Variants in ADRA1A observed in about 807,000 individuals in gnomAD.
The protein encoded by ADRA1A is alpha-1A adrenergic receptor.
ADRA1A carries 31 observed loss-of-function variants against 29.6 expected under a neutral mutation model. The ratio of observed to expected loss-of-function variants is 1.05; its 90% CI spans 0.79 to 1.41. The LOEUF is 1.41. Ranked by LOEUF, ADRA1A falls within the 40% of genes most tolerant of loss-of-function variation. The pLI, the probability that ADRA1A is intolerant of heterozygous loss-of-function variation, is 0.00. For synonymous variants in ADRA1A, 311 were observed against 254.3 expected (o/e 1.22, Z -2.12); for missense variants, 619 against 601.1 (o/e 1.03, Z -0.31).
intron 2 of ADRA1A, among the ~76,000 whole-genome samples, chr8:26,834,768 C>T (rs1811228289): frequency 6.6e-6 from 1 of 152,154 alleles, no homozygotes; most frequent in Admixed American, 6.5e-5. Context: ...TACAGGACAC[C>T]AACATCTGGC....
intron 2 of ADRA1A, among the ~76,000 whole-genome samples, chr8:26,819,481 C>T (rs1040602041): frequency 6.6e-6 from 1 of 151,994 alleles, no homozygotes. Flanking sequence ...ATAAATCAAA[C>T]GTGTGTTGGG....
chr8:26,842,420 A>C (rs3102087), intron 2 of ADRA1A, among the ~76,000 whole-genome samples: 74,227 of 151,774 alleles, frequency 0.49, 18,426 homozygotes, highest in Non-Finnish European at 0.55. Context: ...TGGACAACTA[A>C]TCCCTACTGC....
At chr8:26,785,454 CAGGGTT>C (rs1466012872) in intron 2 of ADRA1A, among the ~76,000 whole-genome samples, 1 of 152,184 alleles carries the variant, frequency 6.6e-6, no homozygotes, top group African/African-American at 2.4e-5. Flanking sequence ...GGAACTTGCT[CAGGGTT>C]ACACAGCCAG....
downstream of ADRA1A, among the ~76,000 whole-genome samples, chr8:26,762,615 T>C (rs910500550): frequency 1.3e-5 from 2 of 151,410 alleles, no homozygotes; most frequent in African/African-American, 4.9e-5. This position sits in a 1 kb window ranked among gnomAD's most constrained non-coding sequence, Gnocchi z 4.0. Context: ...AGAAAGGAGA[T>C]GGGAAAGATG....
chr8:26,858,950 G>A (rs1424085329), intron 2 of ADRA1A: 1 of 934,028 alleles, frequency 1.1e-6, no homozygotes, highest in African/African-American at 1.7e-5. Flanking sequence ...CCCAGCCTTA[G>A]TGGAAAGAAG....
At position 26,864,736 on chromosome 8, in the gene ADRA1A, C is replaced by T; in HGVS notation, c.234G>A (p.Thr78=). 1 of 1,614,140 alleles carries T rather than the reference C, an allele frequency of 6.2e-7. No individual in the cohort carries two copies. The highest frequency in any genetic ancestry group is 8.5e-7 in the Non-Finnish European group (1 of 1,180,024). Residue 78 remains threonine (T), a synonymous_variant, in exon 2 of 3, where the codon ACG becomes ACA. Transcript: ENST00000380573. This position sits in a 1 kb window ranked among gnomAD's most constrained non-coding sequence, Gnocchi z 8.1. The stretch of plus-strand genomic sequence containing the variant: ...CGAAGATGGCGGAGAAGGGCAGCAC[C>T]GTGGAGGTGAGCAGGAGGTCGGCCA... The part of the protein sequence containing the change: ...LAVADLLLTS[T]VLPFSAIFEV...
intron 2 of ADRA1A, among the ~76,000 whole-genome samples, chr8:26,801,996 G>A (rs952742771): frequency 1.2e-4 from 19 of 152,214 alleles, no homozygotes; most frequent in South Asian, 1.0e-3. Context: ...ACTGGGGAAC[G>A]AACACTCTCG....
intron 2 of ADRA1A, among the ~76,000 whole-genome samples, chr8:26,794,282 A>T (rs11135956): frequency 2.0e-5 from 3 of 151,926 alleles, no homozygotes; most frequent in East Asian, 1.9e-4. Flanking sequence ...ATGCAACTTT[A>T]TCTGTCTCTT....
chr8:26,828,494 C>T (rs781025960), intron 2 of ADRA1A, among the ~76,000 whole-genome samples: 6 of 152,162 alleles, frequency 3.9e-5, no homozygotes, highest in Non-Finnish European at 5.9e-5. Context: ...CAGTCATTAA[C>T]ACCTTAACCT....
rs185900668 is a variant in ADRA1A, at chr8:26,849,797, A to G, written c.883+14290T>C. 1.7e-4 allele frequency among the ~76,000 whole-genome samples: 26 copies of G among 152,308 alleles called. No homozygotes were observed. In the East Asian group the frequency reaches 4.4e-3, roughly 26 times the overall value. On this transcript the variant is annotated intron_variant, in intron 2 of 2. Transcript: ENST00000380573. ...CACCTTTAAAATGGTGATGCGGAGG[A>G]TGATCTCTAAATTGTATTCAAACAA...
chr8:26,804,863 T>C (rs555250918), intron 2 of ADRA1A, among the ~76,000 whole-genome samples: 1 of 152,312 alleles, frequency 6.6e-6, no homozygotes, highest in South Asian at 2.1e-4. Context: ...TTATTCTTAT[T>C]GTTTGTTATT....
chr8:26,762,658 GA>G (rs1044232041), downstream of ADRA1A, among the ~76,000 whole-genome samples: 5 of 152,160 alleles, frequency 3.3e-5, no homozygotes, highest in Non-Finnish European at 7.3e-5. The surrounding 1 kb of genome is among the most constrained non-coding windows in gnomAD (Gnocchi z 4.0). Flanking sequence ...AACAGGGGAC[GA>G]AGAAGGGAAG....
rs183675185 is a variant in ADRA1A at position 26,848,662 on chromosome 8, C to T, written c.883+15425G>A. Among the ~76,000 whole-genome samples, 2 of 152,286 alleles carry T rather than the reference C, an allele frequency of 1.3e-5. No homozygotes were observed. Among genetic ancestry groups the T allele is most frequent in the East Asian group, 3.9e-4 (2 of 5,174 alleles). ...TGGCAGCCTGAGCTGACAAGTCTAC[C>T]GCTTGACATCACACACATCCTCAGG... On this transcript the variant is annotated intron_variant, in intron 2 of 2. Transcript: ENST00000380573. This position sits in a 1 kb window ranked among gnomAD's most constrained non-coding sequence, Gnocchi z 4.3.
At chr8:26,756,576 T>G in exon 3 of ADRA1A, 1 of 1,550,986 alleles carries the variant, frequency 6.4e-7, no homozygotes, top group Non-Finnish European at 8.7e-7. Flanking sequence ...TCAGTAACAG[T>G]AACATGTTGG....
At chr8:26,800,057 G>A (rs1191145027) in intron 2 of ADRA1A, among the ~76,000 whole-genome samples, 1 of 152,114 alleles carries the variant, frequency 6.6e-6, no homozygotes, top group African/African-American at 2.4e-5. Flanking sequence ...TCAGGAGTTT[G>A]AGACCAGCCT....
chr8:26,861,850 C>T (rs913988042), intron 2 of ADRA1A, among the ~76,000 whole-genome samples: 3 of 152,172 alleles, frequency 2.0e-5, no homozygotes, highest in African/African-American at 7.2e-5. Context: ...CGTCTTACCA[C>T]CTCTACCTGT....
At chr8:26,762,760 C>A (rs1414833703), downstream of ADRA1A, among the ~76,000 whole-genome samples, 1 of 152,102 alleles carries the variant, frequency 6.6e-6, no homozygotes. This position sits in a 1 kb window ranked among gnomAD's most constrained non-coding sequence, Gnocchi z 4.0. Context: ...AGTTCTGCAC[C>A]CACCACCATC....
chr8:26,837,580 G>A (rs987458169), intron 2 of ADRA1A, among the ~76,000 whole-genome samples: 2 of 151,776 alleles, frequency 1.3e-5, no homozygotes, highest in South Asian at 4.2e-4. Flanking sequence ...GAGCCTGGGA[G>A]GTGGAAGTTG....
intron 2 of ADRA1A, among the ~76,000 whole-genome samples, chr8:26,851,753 T>C (rs1182604119): frequency 6.6e-6 from 1 of 152,094 alleles, no homozygotes; most frequent in African/African-American, 2.4e-5. Context: ...TAAACATATA[T>C]AAAGCAAAAC....
Sources: allele counts gnomAD v4.1 joint callset (sites outside exome capture counted in the v4.1 genomes callset), GRCh38; gene constraint gnomAD v4.1.1; non-coding constraint Gnocchi (gnomAD v3.1); transcripts MANE v1.5; gene names NCBI Gene and HGNC (gene_info 2026-07-23, HGNC 2026-07-21).